The following BCAS3 variants were observed in gnomAD, a reference collection of about 807,000 sequenced individuals.
BCAS3 encodes BCAS3 microtubule associated cell migration factor.
BCAS3 carries 53 observed loss-of-function variants against 116.1 expected under a neutral mutation model. The observed-to-expected ratio is 0.46, with a 90% confidence interval of 0.37 to 0.57. BCAS3 has a LOEUF of 0.57. Among genes scored for constraint, BCAS3 ranks in the 20% least tolerant of loss-of-function variants. The pLI, the probability that BCAS3 is intolerant of heterozygous loss-of-function variation, is 0.00. For missense variants in BCAS3, 917 were observed against 1,165.4 expected, an observed-to-expected ratio of 0.79 and a Z score of 3.10; for synonymous variants, 391 against 408.2, an observed-to-expected ratio of 0.96 and a Z score of 0.51.
intron 22 of BCAS3, among the ~76,000 whole-genome samples, chr17:61,247,374 AAT>A (rs1298602095): frequency 6.6e-6 from 1 of 152,168 alleles, no homozygotes; most frequent in East Asian, 1.9e-4. Flanking sequence ...ACTTATCAAA[AAT>A]ATATTGTTTA....
intron 22 of BCAS3, among the ~76,000 whole-genome samples, chr17:61,331,080 A>G (rs1481133640): frequency 6.6e-6 from 1 of 152,202 alleles, no homozygotes; most frequent in African/African-American, 2.4e-5. Context: ...AGAAAAGCAT[A>G]TAAGACCATG....
chr17:61,107,597 A>G (rs1319968811), intron 22 of BCAS3, among the ~76,000 whole-genome samples: 1 of 152,158 alleles, frequency 6.6e-6, no homozygotes, highest in Non-Finnish European at 1.5e-5. Context: ...AAGAAATTGA[A>G]TTTTACGATA....
chr17:61,363,481 C>T lies in BCAS3; in HGVS notation c.2426-4846C>T, dbSNP rs149040357. On this transcript the variant is annotated intron_variant, in intron 22 of 23. Coordinates refer to ENST00000407086, the MANE Select transcript of BCAS3 (RefSeq NM_017679.5). This position sits in a 1 kb window ranked among gnomAD's most constrained non-coding sequence, Gnocchi z 4.9. ...CCAGATGCCTCATGTCTCTGAAACT[C>T]AGTAAGATGGAAACCTATACAATGG... is the stretch of plus-strand genomic sequence containing the variant. 6.6e-6 allele frequency among the ~76,000 whole-genome samples: 1 copy of T among 151,912 alleles called. No homozygotes were observed. The highest frequency in any genetic ancestry group is 2.4e-5 in the African/African-American group (1 of 41,350).
At chr17:61,301,974 A>T (rs1328897580) in intron 22 of BCAS3, among the ~76,000 whole-genome samples, 1 of 152,180 alleles carries the variant, frequency 6.6e-6, no homozygotes, top group Non-Finnish European at 1.5e-5. Flanking sequence ...AAGACATCAG[A>T]TCATCTCTAG....
intron 22 of BCAS3, among the ~76,000 whole-genome samples, chr17:61,216,236 G>A (rs2081776998): frequency 6.6e-6 from 1 of 152,158 alleles, no homozygotes; most frequent in African/African-American, 2.4e-5. Flanking sequence ...CAGAAGTTCA[G>A]GACGGCCTGA....
rs2077864146 is a variant in BCAS3 at position 61,156,731 on chromosome 17, TC to T, written c.2425+72169del. ...TGGCACATAACAATAATTGTTTCTATCCTGCTATAAACCATAAGTAACTCCT... is the reference window on the plus strand; with the variant it reads ...TGGCACATAACAATAATTGTTTCTATCTGCTATAAACCATAAGTAACTCCT... On this transcript the variant is annotated intron_variant, in intron 22 of 23. Transcript: ENST00000407086. This position sits in a 1 kb window ranked among gnomAD's most constrained non-coding sequence, Gnocchi z 4.7. 6.6e-6 allele frequency among the ~76,000 whole-genome samples: 1 copy of T among 152,196 alleles called. No homozygotes were observed. The highest frequency in any genetic ancestry group is 6.5e-5 in the Admixed American group (1 of 15,278).
chr17:60,810,720 C>A, intron 7 of BCAS3: 1 of 664,188 alleles, frequency 1.5e-6, no homozygotes, highest in South Asian at 1.4e-5. Flanking sequence ...TCCATGGGCT[C>A]TGCAAGGTCA....
At chr17:60,710,032 G>C (rs1043160516) in intron 5 of BCAS3, among the ~76,000 whole-genome samples, 3 of 151,984 alleles carry the variant, frequency 2.0e-5, no homozygotes, top group Admixed American at 2.0e-4. Flanking sequence ...GCTCAGGATG[G>C]TCTTGAAGTC....
chr17:60,855,270 T>G (rs76056529), intron 7 of BCAS3, among the ~76,000 whole-genome samples: 6,639 of 151,054 alleles, frequency 0.044, 380 homozygotes, highest in African/African-American at 0.13. Flanking sequence ...TGTTGTTGTT[T>G]TTTTTTTTTA....
rs545788816 is a variant in BCAS3, at chr17:61,243,740, G to A, written c.2426-124587G>A. Among the ~76,000 whole-genome samples, 2 of 152,298 alleles carry A rather than the reference G, an allele frequency of 1.3e-5. No individual in the cohort carries two copies. Among genetic ancestry groups the A allele is most frequent in the South Asian group, 4.1e-4 (2 of 4,826 alleles). ...GACGAAGTGACTGCTAGAGACTTCAGGGAAAATAATAACTTATAACTATTT... is the reference window on the plus strand; with the variant it reads ...GACGAAGTGACTGCTAGAGACTTCAAGGAAAATAATAACTTATAACTATTT... On this transcript the variant is annotated intron_variant, in intron 22 of 23. Transcript: ENST00000407086. This position sits in a 1 kb window ranked among gnomAD's most constrained non-coding sequence, Gnocchi z 5.6.
At chr17:60,983,269 T>C (rs1165457487) in intron 14 of BCAS3, among the ~76,000 whole-genome samples, 5 of 152,202 alleles carry the variant, frequency 3.3e-5, no homozygotes. Flanking sequence ...TAACATTCCA[T>C]AATTGAGGTC....
At position 61,023,272 on chromosome 17, in the gene BCAS3, A is replaced by C. The variant is rs1360999468; in HGVS notation, c.1637+7371A>C. 6.6e-6 allele frequency among the ~76,000 whole-genome samples: 1 copy of C among 152,212 alleles called. No homozygotes were observed. Among genetic ancestry groups the C allele is most frequent in the African/African-American group, 2.4e-5 (1 of 41,448 alleles). Reference sequence around the variant, plus strand: ...ATATGGCTCTGCTTCAATATTTGACACATAATGTTGTATAGCTTTTTCTCT... The same window carrying C: ...ATATGGCTCTGCTTCAATATTTGACCCATAATGTTGTATAGCTTTTTCTCT... On this transcript the variant is annotated intron_variant, in intron 16 of 23. Transcript: ENST00000407086. The surrounding 1 kb of genome is among the most constrained non-coding windows in gnomAD (Gnocchi z 4.8).
At chr17:60,908,537 C>T (rs2058312597) in intron 11 of BCAS3, among the ~76,000 whole-genome samples, 1 of 152,138 alleles carries the variant, frequency 6.6e-6, no homozygotes. Context: ...GCTTCCTGGC[C>T]TGCTCTTGAC....
intron 22 of BCAS3, among the ~76,000 whole-genome samples, chr17:61,114,752 A>G (rs1162581703): frequency 1.3e-5 from 2 of 151,032 alleles, no homozygotes; most frequent in African/African-American, 4.9e-5. Flanking sequence ...TAAAGTTCAT[A>G]TGGAACCAAA....
At chr17:61,179,919 T>G (rs1275874138) in intron 22 of BCAS3, among the ~76,000 whole-genome samples, 3 of 147,570 alleles carry the variant, frequency 2.0e-5, no homozygotes, top group Non-Finnish European at 3.0e-5. Flanking sequence ...ATAGGCCTAG[T>G]GGCATCATCT....
Position 61,037,941 on chromosome 17 carries a change from C to T in BCAS3, c.1815C>T (p.Gly605=), listed in dbSNP as rs753259938. ...VESLYIISCY[G]TLVEHMMEPR... is the part of the protein sequence containing the mutation. ...CCCTGTACATTATCAGTTGCTATGG[C>T]ACCTTAGTGGAACACATGATGGAGC... The change falls in exon 18 of 24, where the codon GGC becomes GGT. Residue 605 remains glycine, a synonymous_variant. Coordinates refer to ENST00000407086, the MANE Select transcript of BCAS3 (RefSeq NM_017679.5). This position sits in a 1 kb window ranked among gnomAD's most constrained non-coding sequence, Gnocchi z 4.7. 1 of 1,614,010 alleles carries T rather than the reference C, an allele frequency of 6.2e-7. No homozygotes were observed. The highest frequency in any genetic ancestry group is 1.3e-5 in the African/African-American group (1 of 75,010).
intron 5 of BCAS3, among the ~76,000 whole-genome samples, chr17:60,734,528 A>T (rs1305000358): frequency 6.6e-6 from 1 of 152,216 alleles, no homozygotes; most frequent in Non-Finnish European, 1.5e-5. Context: ...GTCTGTGTCT[A>T]CATTCATTTT....
chr17:60,902,678 C>G lies in BCAS3; in HGVS notation c.797C>G (p.Thr266Ser). 6.2e-7 allele frequency: 1 copy of G among 1,612,058 alleles called. No homozygotes were observed. The highest frequency in any genetic ancestry group is 8.5e-7 in the Non-Finnish European group (1 of 1,178,100). The change falls in exon 11 of 24, where the codon ACT (threonine) becomes AGT (serine). Residue 266 changes from threonine to serine, a missense_variant. By Grantham distance (58) the Thr-to-Ser change is moderately conservative (BLOSUM62 1). Transcript: ENST00000407086. ...GACGDNIQSYTATVISAAKTL... is the reference protein window; with the variant it reads ...GACGDNIQSYSATVISAAKTL... ...TGTGGAGACAACATTCAGTCTTATACTGCCACAGTCATTAGTGCTGCTAAA... is the reference window on the plus strand; with the variant it reads ...TGTGGAGACAACATTCAGTCTTATAGTGCCACAGTCATTAGTGCTGCTAAA...
Position 61,026,951 on chromosome 17 carries a change from G to C in BCAS3, c.1638-7715G>C. 1.9e-6 allele frequency: 3 copies of C among 1,564,020 alleles called. No individual in the cohort carries two copies. Among genetic ancestry groups the C allele is most frequent in the East Asian group, 2.3e-5 (1 of 43,558 alleles). On this transcript the variant is annotated intron_variant, in intron 16 of 23. Transcript: ENST00000407086. The surrounding 1 kb of genome is among the most constrained non-coding windows in gnomAD (Gnocchi z 5.0). ...GTCCCGCATGCCTCATTCATTTGCTGTACTCTCAAAAAGTAATTTGTTTTG... is the reference window on the plus strand; with the variant it reads ...GTCCCGCATGCCTCATTCATTTGCTCTACTCTCAAAAAGTAATTTGTTTTG...
Sources: allele counts gnomAD v4.1 joint callset (sites outside exome capture counted in the v4.1 genomes callset), GRCh38; gene constraint gnomAD v4.1.1; non-coding constraint Gnocchi (gnomAD v3.1); transcripts MANE v1.5; gene names NCBI Gene and HGNC (gene_info 2026-07-23, HGNC 2026-07-21).